Variants in WDR48 observed in about 807,000 individuals in gnomAD.
The protein encoded by WDR48 is WD repeat-containing protein 48.
WDR48 carries 22 observed loss-of-function variants against 94.0 expected under a neutral mutation model. The observed-to-expected ratio is 0.23, with a 90% CI of 0.17 to 0.33. The LOEUF (loss-of-function observed/expected upper bound fraction) is 0.33. Among genes scored for constraint, WDR48 ranks in the 10% least tolerant of loss-of-function variants. The pLI, the probability that WDR48 is intolerant of heterozygous loss-of-function variation, is 1.00. For missense variants in WDR48, 541 were observed against 813.8 expected, an observed-to-expected ratio of 0.66 and a Z score of 4.08; for synonymous variants, 278 against 280.5, an observed-to-expected ratio of 0.99 and a Z score of 0.09.
intron 1 of WDR48, among the ~76,000 whole-genome samples, chr3:39,057,392 T>C (rs1411942355): frequency 6.6e-6 from 1 of 152,216 alleles, no homozygotes; most frequent in Admixed American, 6.5e-5. Context: ...GGATGAAGAC[T>C]AGGTGTGGGA....
chr3:39,059,074 CA>C (rs1178955423), intron 1 of WDR48, among the ~76,000 whole-genome samples: 9,482 of 69,734 alleles, frequency 0.14, 181 homozygotes, highest in East Asian at 0.25. Flanking sequence ...GACTCCGTCT[CA>C]AAAAAAAAAA....
Position 39,077,063 on chromosome 3 carries a change from T to C in WDR48, c.898-76T>C. ...CAATTGTTGAATGAAGGAGTTGATA[T>C]TAATAACATATCTAGTCCTGGCAGT... On this transcript the variant is annotated intron_variant, in intron 8 of 18. Transcript: ENST00000302313. 2.0e-6 allele frequency: 3 copies of C among 1,524,226 alleles called. No individual in the cohort carries two copies. In the South Asian group the frequency reaches 3.4e-5, roughly 17 times the overall value. The allele number at this position is 1,524,226 out of a possible 1,614,324, so 94.4% of individuals were successfully genotyped here.
chr3:39,060,966 A>C (rs915064456), intron 1 of WDR48, among the ~76,000 whole-genome samples: 22 of 152,318 alleles, frequency 1.4e-4, no homozygotes, highest in Non-Finnish European at 1.6e-4. Context: ...GATTCTCTCA[A>C]AAAATAAAAA....
intron 1 of WDR48, among the ~76,000 whole-genome samples, chr3:39,056,807 A>G (rs76630072): frequency 0.029 from 4,473 of 152,304 alleles, 214 homozygotes; most frequent in African/African-American, 0.1. Flanking sequence ...CAGCAAAACT[A>G]TGGAGTGAAC....
At chr3:39,092,415 G>C (rs2035126897) in intron 17 of WDR48, among the ~76,000 whole-genome samples, 1 of 152,184 alleles carries the variant, frequency 6.6e-6, no homozygotes, top group Admixed American at 6.5e-5. Flanking sequence ...GACACAGTGT[G>C]ATCAGGGATG....
chr3:39,069,114 G>C (rs954873575), intron 6 of WDR48, among the ~76,000 whole-genome samples: 9 of 151,932 alleles, frequency 5.9e-5, no homozygotes, highest in African/African-American at 2.2e-4. Context: ...ACACCATCAC[G>C]TGCATCAGGC....
Position 39,095,056 on chromosome 3 carries a change from G to T in WDR48, c.*313G>T. The stretch of plus-strand genomic sequence containing the variant: ...TTTGCTTCCTCCTTTTGTTTCAAAG[G>T]ACCTTATCTACCCATTAACACTTGT... On this transcript the variant is annotated 3_prime_UTR_variant, in exon 19 of 19. Transcript: ENST00000302313. 1 of 367,830 alleles carries T rather than the reference G, an allele frequency of 2.7e-6. No homozygotes were observed. Among genetic ancestry groups the T allele is most frequent in the East Asian group, 4.9e-5 (1 of 20,368 alleles). The allele number at this position is 367,830 out of a possible 1,614,324, so 22.8% of individuals were successfully genotyped here.
Position 39,078,274 on chromosome 3 carries a change from A to G in WDR48, c.1075+35A>G, listed in dbSNP as rs1420257063. On this transcript the variant is annotated intron_variant, in intron 10 of 18. Transcript: ENST00000302313. ...TGGAAGGTACTGTACCCCTTATTGAAGTTAGCGATAGTTACTTAGAGATTG... is the reference window on the plus strand; with the variant it reads ...TGGAAGGTACTGTACCCCTTATTGAGGTTAGCGATAGTTACTTAGAGATTG... The G allele has an allele frequency of 2.9e-6, 4 of 1,388,580 alleles. No homozygotes were observed. The Admixed American group carries it at 7.8e-5, about 27-fold the overall frequency. The allele number at this position is 1,388,580 out of a possible 1,614,324, so 86.0% of individuals were successfully genotyped here. A position where few individuals can be genotyped will look rare whatever the true frequency, so the allele number is the denominator to read the frequency against.
chr3:39,094,182 C>A, intron 18 of WDR48, 116 bp downstream of exon 18: 1 of 1,474,012 alleles, frequency 6.8e-7, no homozygotes, highest in African/African-American at 1.4e-5. Flanking sequence ...AGCCCTGGGC[C>A]TCTCCTACCT....
intron 9 of WDR48, 69 bp downstream of exon 9, chr3:39,077,282 A>G (rs2034279958): frequency 3.8e-6 from 6 of 1,562,966 alleles, no homozygotes; most frequent in South Asian, 1.1e-5. Flanking sequence ...TGTAGACGCC[A>G]GTTGCAAATG....
intron 17 of WDR48, among the ~76,000 whole-genome samples, chr3:39,092,876 T>TACACACAC (rs3033301): frequency 0.029 from 4,165 of 145,980 alleles, 71 homozygotes; most frequent in Middle Eastern, 0.048. Flanking sequence ...CATCTCTGTC[T>TACACACAC]ACACACACAC....
Position 39,063,282 on chromosome 3 carries a change from C to A in WDR48, c.189+92C>A, listed in dbSNP as rs753053122. 119 of 1,480,716 alleles carry A rather than the reference C, an allele frequency of 8.0e-5. 1 individual carries two copies. The highest frequency in any genetic ancestry group is 5.5e-4 in the Middle Eastern group (3 of 5,494). The allele number at this position is 1,480,716 out of a possible 1,614,324, so 91.7% of individuals were successfully genotyped here. A position where few individuals can be genotyped will look rare whatever the true frequency, so the allele number is the denominator to read the frequency against. Reference sequence around the variant, plus strand: ...CACTTTTCACAGTTTCAGATTTAATCTCTCTGAATGCTGAGTTATTTGGTA... The same window carrying A: ...CACTTTTCACAGTTTCAGATTTAATATCTCTGAATGCTGAGTTATTTGGTA... On this transcript the variant is annotated intron_variant, in intron 2 of 18. Transcript: ENST00000302313.
intron 1 of WDR48, among the ~76,000 whole-genome samples, chr3:39,060,600 C>T (rs1294575928): frequency 4.6e-5 from 7 of 152,212 alleles, no homozygotes; most frequent in Non-Finnish European, 7.3e-5. Flanking sequence ...TCTTTTCCTT[C>T]GTAAAGATTA....
At chr3:39,063,770 C>T (rs1226537848) in intron 2 of WDR48, among the ~76,000 whole-genome samples, 2 of 151,706 alleles carry the variant, frequency 1.3e-5, no homozygotes, top group Non-Finnish European at 2.9e-5. Flanking sequence ...TGACAATACC[C>T]TGTCTCTGCA....
At chr3:39,094,617 G>A in intron 18 of WDR48, 31 bp from the exon 19 acceptor site, 1 of 1,613,412 alleles carries the variant, frequency 6.2e-7, no homozygotes. Flanking sequence ...TAGAGACTTT[G>A]AAATTTTTAA....
At chr3:39,052,263 G>C (rs1468545866) in intron 1 of WDR48, 190 bp downstream of exon 1, 9 of 628,636 alleles carry the variant, frequency 1.4e-5, no homozygotes, top group Non-Finnish European at 2.2e-5. Flanking sequence ...CGGCTTGCTT[G>C]GCCCTTGGGG....
chr3:39,089,479 G>T, intron 16 of WDR48, 161 bp downstream of exon 16: 1 of 473,732 alleles, frequency 2.1e-6, no homozygotes, highest in Non-Finnish European at 3.6e-6. Flanking sequence ...AAATAGTACT[G>T]ATAATTATTT....
chr3:39,080,650 G>A (rs1168143217), intron 11 of WDR48, among the ~76,000 whole-genome samples: 4 of 152,204 alleles, frequency 2.6e-5, no homozygotes. Flanking sequence ...GGGACAAGTG[G>A]AATGGGAAAA....
intron 2 of WDR48, among the ~76,000 whole-genome samples, chr3:39,064,429 C>T (rs573344584): frequency 1.3e-5 from 2 of 152,250 alleles, no homozygotes; most frequent in South Asian, 4.1e-4. Context: ...CACACGCCAC[C>T]ACATCCAGCT....
Sources: allele counts gnomAD v4.1 joint callset (sites outside exome capture counted in the v4.1 genomes callset), GRCh38; gene constraint gnomAD v4.1.1; transcripts MANE v1.5; gene names NCBI Gene and HGNC (gene_info 2026-07-23, HGNC 2026-07-21).